The following DYM variants were observed in gnomAD, a reference collection of about 807,000 sequenced individuals.
DYM encodes dymeclin, also known as dyggve-Melchior-Clausen syndrome protein.
DYM carries 78 observed loss-of-function variants against 93.1 expected under a neutral mutation model. That is an observed-to-expected ratio of 0.84 (90% confidence interval 0.70 to 1.01). The LOEUF (loss-of-function observed/expected upper bound fraction) is 1.01. Among genes scored for constraint, DYM ranks in the 50% least tolerant of loss-of-function variants. The pLI is 0.00. For synonymous variants in DYM, 321 were observed against 319.7 expected, an observed-to-expected ratio of 1.00 and a Z score of -0.04; for missense variants, 789 against 845.0, an observed-to-expected ratio of 0.93 and a Z score of 0.82.
At chr18:49,281,928 T>C in intron 10 of DYM, 69 bp downstream of exon 10, 4 of 1,494,160 alleles carry the variant, frequency 2.7e-6, no homozygotes, top group Non-Finnish European at 3.7e-6. Context: ...CGCTGTGCCA[T>C]GTACCCTAAA....
chr18:49,087,538 T>G (rs1332227929), intron 17 of DYM, among the ~76,000 whole-genome samples: 1 of 152,228 alleles, frequency 6.6e-6, no homozygotes, highest in Non-Finnish European at 1.5e-5. Context: ...AAAGTAAATA[T>G]GACATTAAGC....
intron 17 of DYM, among the ~76,000 whole-genome samples, chr18:49,067,174 T>C (rs1057093037): frequency 2.2e-5 from 3 of 136,174 alleles, no homozygotes; most frequent in Non-Finnish European, 4.7e-5. Context: ...GTGAGCACTA[T>C]GGAGGTTCAG....
intron 1 of DYM, among the ~76,000 whole-genome samples, chr18:49,443,613 A>T (rs1423171312): frequency 6.6e-6 from 1 of 152,206 alleles, no homozygotes; most frequent in Non-Finnish European, 1.5e-5. Context: ...TTACTAGACT[A>T]AGCACTCATC....
At chr18:49,392,323 A>G (rs1015513402) in intron 2 of DYM, among the ~76,000 whole-genome samples, 2 of 152,184 alleles carry the variant, frequency 1.3e-5, no homozygotes, top group African/African-American at 4.8e-5. Flanking sequence ...AAGCACAGGT[A>G]TCAACAGAAA....
At chr18:49,058,682 A>G (rs2075706556) in intron 17 of DYM, among the ~76,000 whole-genome samples, 1 of 152,174 alleles carries the variant, frequency 6.6e-6, no homozygotes, top group African/African-American at 2.4e-5. Context: ...AGATAATTCA[A>G]TTTGTTATAC....
At chr18:49,096,750 T>G (rs1421588172) in intron 17 of DYM, among the ~76,000 whole-genome samples, 4 of 152,200 alleles carry the variant, frequency 2.6e-5, no homozygotes, top group Non-Finnish European at 5.9e-5. Flanking sequence ...CTTCTTCAAA[T>G]ACAGCACTTC....
chr18:49,052,885 G>A (rs1304612249), intron 17 of DYM, among the ~76,000 whole-genome samples: 1 of 152,212 alleles, frequency 6.6e-6, no homozygotes, highest in Non-Finnish European at 1.5e-5. Flanking sequence ...AGCTAGAACT[G>A]GCTGGCACAG....
chr18:49,205,778 T>G (rs1009997808), intron 14 of DYM: 1 of 152,366 alleles, frequency 6.6e-6, no homozygotes, highest in Non-Finnish European at 1.5e-5. Context: ...CACAGAGCTA[T>G]AGCCAATATA....
intron 8 of DYM, among the ~76,000 whole-genome samples, chr18:49,326,961 T>C (rs762158916): frequency 6.8e-6 from 1 of 147,332 alleles, no homozygotes; most frequent in Admixed American, 7.0e-5. Context: ...TTACGATGCA[T>C]GTAACTTATC....
intron 15 of DYM, among the ~76,000 whole-genome samples, chr18:49,155,019 A>G (rs1191600200): frequency 6.6e-6 from 1 of 152,144 alleles, no homozygotes; most frequent in Non-Finnish European, 1.5e-5. Flanking sequence ...ATGTAGATTG[A>G]TTTCATTTAA....
chr18:49,160,002 A>C (rs2086903362), intron 15 of DYM, among the ~76,000 whole-genome samples: 1 of 152,120 alleles, frequency 6.6e-6, no homozygotes, highest in African/African-American at 2.4e-5. Context: ...ACTTCTCTGA[A>C]AGTTCAGTTC....
intron 15 of DYM, among the ~76,000 whole-genome samples, chr18:49,127,826 C>G (rs1401828524): frequency 6.6e-6 from 1 of 152,192 alleles, no homozygotes; most frequent in Non-Finnish European, 1.5e-5. Context: ...CACATAAAAT[C>G]AGAGCTGAAG....
chr18:49,262,262 C>G (rs1426835480), intron 11 of DYM, among the ~76,000 whole-genome samples: 1 of 152,124 alleles, frequency 6.6e-6, no homozygotes, highest in Non-Finnish European at 1.5e-5. Flanking sequence ...TTGCCTGCGA[C>G]CACCAGAAGC....
At chr18:49,281,003 G>A (rs1207237694) in intron 10 of DYM, among the ~76,000 whole-genome samples, 3 of 152,122 alleles carry the variant, frequency 2.0e-5, no homozygotes, top group Non-Finnish European at 4.4e-5. Flanking sequence ...ACTACCATCG[G>A]AGTGAACAGG....
At chr18:49,364,449 A>G (rs2066324385) in intron 5 of DYM, among the ~76,000 whole-genome samples, 1 of 151,928 alleles carries the variant, frequency 6.6e-6, no homozygotes. Flanking sequence ...TGTCTCAAAA[A>G]AAAAAAAGAA....
chr18:49,434,998 A>G (rs2080696599), intron 1 of DYM, among the ~76,000 whole-genome samples: 1 of 152,116 alleles, frequency 6.6e-6, no homozygotes, highest in Non-Finnish European at 1.5e-5. Flanking sequence ...ACTTGAGGTC[A>G]GGAGTTCAAG....
intron 2 of DYM, among the ~76,000 whole-genome samples, chr18:49,426,772 T>C (rs1037585716): frequency 2.8e-4 from 42 of 149,088 alleles, no homozygotes; most frequent in African/African-American, 9.8e-4. Context: ...TGTGTGTGTG[T>C]GTGTGTGTGT....
chr18:49,052,384 A>G (rs2075101780), intron 17 of DYM, among the ~76,000 whole-genome samples: 1 of 152,238 alleles, frequency 6.6e-6, no homozygotes, highest in Non-Finnish European at 1.5e-5. Flanking sequence ...TCCCTCTAAG[A>G]TGTCTTAGAA....
At chr18:49,313,983 C>T (rs970576670) in intron 8 of DYM, among the ~76,000 whole-genome samples, 12 of 152,086 alleles carry the variant, frequency 7.9e-5, no homozygotes, top group South Asian at 2.1e-4. Context: ...AGTGGCCAGG[C>T]GCGGTGGCTC....
Sources: gnomAD v4.1 joint callset for allele counts (sites outside exome capture counted in the v4.1 genomes callset) on GRCh38, gnomAD v4.1.1 for gene constraint, MANE v1.5 for transcripts, NCBI Gene and HGNC (gene_info 2026-07-23, HGNC 2026-07-21) for gene names.